Variants in AKAP6 observed in about 807,000 individuals in gnomAD.
The protein encoded by AKAP6 is A-kinase anchoring protein 6.
A neutral mutation model predicts 188.5 loss-of-function variants in AKAP6; 58 were observed. The ratio of observed to expected loss-of-function variants is 0.31; its 90% CI spans 0.25 to 0.38. The LOEUF is 0.38. AKAP6 is among the 10% of genes least tolerant of loss of function. The pLI is 1.00. For synonymous variants in AKAP6, 989 were observed against 998.6 expected (o/e 0.99, Z 0.18); for missense variants, 2,710 against 2,740.0 (o/e 0.99, Z 0.24).
chr14:32,457,393 G>C (rs930702496), intron 2 of AKAP6, among the ~76,000 whole-genome samples: 1 of 152,104 alleles, frequency 6.6e-6, no homozygotes, highest in Non-Finnish European at 1.5e-5. Context: ...AAATGGCCCT[G>C]GTGTGGAATA....
At chr14:32,642,348 G>T (rs1307917266) in intron 7 of AKAP6, among the ~76,000 whole-genome samples, 1 of 152,174 alleles carries the variant, frequency 6.6e-6, no homozygotes, top group African/African-American at 2.4e-5. Context: ...TATTTACACA[G>T]TTTTTGTCAA....
intron 3 of AKAP6, among the ~76,000 whole-genome samples, chr14:32,542,335 T>TA (rs1001743092): frequency 6.6e-6 from 1 of 152,210 alleles, no homozygotes; most frequent in African/African-American, 2.4e-5. Flanking sequence ...TCATTCAACA[T>TA]ATGTGCATTC....
rs566759600 is a variant in AKAP6 at position 32,646,781 on chromosome 14, C to G, written c.2731-31530C>G. ...CCTCTAGTTCCATCTTCATTGAAAT[C>G]TAGCAAAACTGCTGAAGGTAAGGTA... On this transcript the variant is annotated intron_variant, in intron 7 of 13. Transcript: ENST00000280979. 2.6e-5 allele frequency among the ~76,000 whole-genome samples: 4 copies of G among 152,132 alleles called. No individual in the cohort carries two copies. In the South Asian group the frequency reaches 8.3e-4, roughly 32 times the overall value.
chr14:32,473,617 C>G (rs549479460), intron 2 of AKAP6: 1 of 152,284 alleles, frequency 6.6e-6, no homozygotes, highest in East Asian at 1.9e-4. Flanking sequence ...AAGCATTTTG[C>G]AACTCTAGTA....
intron 2 of AKAP6, among the ~76,000 whole-genome samples, chr14:32,516,440 A>G (rs1436325867): frequency 6.6e-6 from 1 of 152,218 alleles, no homozygotes; most frequent in Non-Finnish European, 1.5e-5. Flanking sequence ...AGACCAGATA[A>G]AGACAAATCA....
chr14:32,810,060 T>C (rs2034185422), intron 12 of AKAP6, among the ~76,000 whole-genome samples: 2 of 152,284 alleles, frequency 1.3e-5, no homozygotes, highest in East Asian at 3.9e-4. Flanking sequence ...GAGAAATAAA[T>C]TCAGCAGGCA....
chr14:32,408,611 T>G lies in AKAP6; in HGVS notation c.-34-24849T>G, dbSNP rs192662135. Among the ~76,000 whole-genome samples the G allele has an allele frequency of 5.3e-3, 806 of 150,940 alleles. 5 individuals carry two copies. The highest frequency in any genetic ancestry group is 8.7e-3 in the Non-Finnish European group (590 of 67,790). ...GAGAGCTCAGGTATCAGCTGTGGAG[T>G]TTTTCTTAAGAATACAAGTAAATTG... On this transcript the variant is annotated intron_variant, in intron 1 of 13. Coordinates refer to ENST00000280979, the MANE Select transcript of AKAP6 (RefSeq NM_004274.5).
At chr14:32,556,643 C>T (rs1219871458) in intron 4 of AKAP6, among the ~76,000 whole-genome samples, 1 of 152,160 alleles carries the variant, frequency 6.6e-6, no homozygotes, top group Non-Finnish European at 1.5e-5. Flanking sequence ...GCACCTAGCC[C>T]ATTCTGACTA....
intron 1 of AKAP6, among the ~76,000 whole-genome samples, chr14:32,341,929 T>A (rs1886903110): frequency 6.6e-6 from 1 of 152,174 alleles, no homozygotes; most frequent in Admixed American, 6.5e-5. Context: ...AGAAGATTGC[T>A]TGAGCCCAGG....
intron 4 of AKAP6, among the ~76,000 whole-genome samples, chr14:32,570,421 T>C (rs569621118): frequency 6.6e-6 from 1 of 152,040 alleles, no homozygotes; most frequent in African/African-American, 2.4e-5. Flanking sequence ...GGATTACAGG[T>C]GTGAGCCACT....
At chr14:32,747,299 C>T (rs892848211) in intron 11 of AKAP6, among the ~76,000 whole-genome samples, 8 of 152,156 alleles carry the variant, frequency 5.3e-5, no homozygotes, top group Non-Finnish European at 1.0e-4. Flanking sequence ...CTACAGGTGC[C>T]TGGATCATCC....
intron 2 of AKAP6, among the ~76,000 whole-genome samples, chr14:32,454,746 TCC>T (rs1891080237): frequency 5.5e-5 from 1 of 18,068 alleles, no homozygotes; most frequent in Admixed American, 4.9e-4. Flanking sequence ...CCTCCCTCCC[TCC>T]TTCCCTCCCT....
intron 2 of AKAP6, among the ~76,000 whole-genome samples, chr14:32,462,267 A>G (rs567509354): frequency 6.6e-6 from 1 of 152,246 alleles, no homozygotes; most frequent in South Asian, 2.1e-4. Context: ...CAACCCCAAG[A>G]CACATAATCG....
Position 32,653,574 on chromosome 14 carries a change from G to C in AKAP6, c.2731-24737G>C, listed in dbSNP as rs146848964. 4.1e-3 allele frequency among the ~76,000 whole-genome samples: 622 copies of C among 152,210 alleles called. 3 individuals carry two copies. The highest frequency in any genetic ancestry group is 0.013 in the African/African-American group (527 of 41,538). On this transcript the variant is annotated intron_variant, in intron 7 of 13. Transcript: ENST00000280979. ...TTAGAAGCTGAGCACCATGGTTCCTGTAAAGCCTGCAGAACCATGAGCCAA... is the reference window on the plus strand; with the variant it reads ...TTAGAAGCTGAGCACCATGGTTCCTCTAAAGCCTGCAGAACCATGAGCCAA...
At chr14:32,398,875 G>A (rs1347146811) in intron 1 of AKAP6, among the ~76,000 whole-genome samples, 2 of 61,726 alleles carry the variant, frequency 3.2e-5, no homozygotes, top group African/African-American at 1.2e-4. Context: ...TTTTTTTGAT[G>A]GAGTCTTTCT....
chr14:32,396,622 C>T (rs1888888080), intron 1 of AKAP6, among the ~76,000 whole-genome samples: 1 of 152,118 alleles, frequency 6.6e-6, no homozygotes, highest in Non-Finnish European at 1.5e-5. Context: ...AAAGTTTTCC[C>T]TTACTCTTTT....
chr14:32,730,912 C>T (rs2031143585), intron 9 of AKAP6, among the ~76,000 whole-genome samples: 2 of 152,126 alleles, frequency 1.3e-5, no homozygotes, highest in Admixed American at 1.3e-4. Context: ...AGTGTGTTTC[C>T]TAAGTGCTGG....
At chr14:32,469,548 T>A (rs192541075) in intron 2 of AKAP6, among the ~76,000 whole-genome samples, 36 of 152,312 alleles carry the variant, frequency 2.4e-4, no homozygotes, top group African/African-American at 7.9e-4. Context: ...ATTATTTGAA[T>A]GCTGACAAGA....
At chr14:32,468,806 G>A (rs1594646814) in intron 2 of AKAP6, among the ~76,000 whole-genome samples, 2 of 151,984 alleles carry the variant, frequency 1.3e-5, no homozygotes, top group South Asian at 2.1e-4. Flanking sequence ...AATGTCCTGC[G>A]TTCTAATTGG....
Sources: gnomAD v4.1 joint callset for allele counts (sites outside exome capture counted in the v4.1 genomes callset) on GRCh38, gnomAD v4.1.1 for gene constraint, MANE v1.5 for transcripts, NCBI Gene and HGNC (gene_info 2026-07-23, HGNC 2026-07-21) for gene names.